The following HS3ST5 variants were observed in gnomAD, a reference collection of about 807,000 sequenced individuals.
HS3ST5 encodes heparan sulfate glucosamine 3-O-sulfotransferase 5.
HS3ST5 carries 10 observed loss-of-function variants against 25.4 expected under a neutral mutation model. The observed-to-expected ratio is 0.39, with a 90% CI of 0.24 to 0.67. The LOEUF is 0.67. Ranked by LOEUF, HS3ST5 falls within the 30% of genes least tolerant of loss-of-function variation. HS3ST5 has a pLI of 0.44. For synonymous variants in HS3ST5, 170 were observed against 162.4 expected, an observed-to-expected ratio of 1.05 and a Z score of -0.36; for missense variants, 324 against 420.7, an observed-to-expected ratio of 0.77 and a Z score of 2.01.
At chr6:114,218,943 T>C (rs183861957) in intron 2 of HS3ST5, among the ~76,000 whole-genome samples, 113 of 152,358 alleles carry the variant, frequency 7.4e-4, no homozygotes, top group African/African-American at 2.5e-3. Flanking sequence ...TTGTGTAATG[T>C]GACTTCTTGT....
chr6:114,140,294 A>C (rs1463018364), intron 3 of HS3ST5, among the ~76,000 whole-genome samples: 1 of 152,210 alleles, frequency 6.6e-6, no homozygotes, highest in African/African-American at 2.4e-5. Flanking sequence ...GGTTATCTTT[A>C]ATTTATGAAA....
At chr6:114,263,533 G>A (rs764871362) in intron 1 of HS3ST5, among the ~76,000 whole-genome samples, 7 of 151,972 alleles carry the variant, frequency 4.6e-5, no homozygotes, top group East Asian at 1.9e-4. Flanking sequence ...TGTTATTTTC[G>A]GCTACTTTTC....
At chr6:114,160,891 T>G (rs1463352997) in intron 3 of HS3ST5, among the ~76,000 whole-genome samples, 1 of 152,202 alleles carries the variant, frequency 6.6e-6, no homozygotes, top group African/African-American at 2.4e-5. Context: ...TGTAATAAAC[T>G]AATTCATCAT....
At chr6:114,297,822 A>G (rs1475063629) in intron 1 of HS3ST5, among the ~76,000 whole-genome samples, 5 of 152,248 alleles carry the variant, frequency 3.3e-5, no homozygotes, top group Non-Finnish European at 7.3e-5. Flanking sequence ...CCAAGCTGCC[A>G]AAATGACTAA....
chr6:114,223,982 C>G (rs1003540053), intron 2 of HS3ST5, among the ~76,000 whole-genome samples: 1 of 151,624 alleles, frequency 6.6e-6, no homozygotes, highest in African/African-American at 2.4e-5. Context: ...AAAGCTATTA[C>G]TTATTCAAGA....
chr6:114,198,223 G>T (rs1350054425), intron 2 of HS3ST5, among the ~76,000 whole-genome samples: 1 of 151,888 alleles, frequency 6.6e-6, no homozygotes, highest in Middle Eastern at 3.2e-3. Context: ...AATCAACCCA[G>T]TCAGACAAAA....
At chr6:114,203,347 C>G (rs879433331) in intron 2 of HS3ST5, among the ~76,000 whole-genome samples, 5 of 152,166 alleles carry the variant, frequency 3.3e-5, no homozygotes, top group Non-Finnish European at 5.9e-5. Context: ...CTGAAATTAA[C>G]TCCCTCCTTG....
intron 3 of HS3ST5, among the ~76,000 whole-genome samples, chr6:114,080,353 T>G (rs955779952): frequency 6.6e-6 from 1 of 152,200 alleles, no homozygotes; most frequent in Non-Finnish European, 1.5e-5. Flanking sequence ...ACACATATGT[T>G]TAAAACGCTT....
At chr6:114,306,887 G>C (rs914841514) in intron 1 of HS3ST5, among the ~76,000 whole-genome samples, 10 of 152,102 alleles carry the variant, frequency 6.6e-5, no homozygotes, top group African/African-American at 2.4e-4. Flanking sequence ...ATACATATAG[G>C]ACATACGATC....
chr6:114,276,673 A>G (rs775485329), intron 1 of HS3ST5, among the ~76,000 whole-genome samples: 1 of 151,802 alleles, frequency 6.6e-6, no homozygotes, highest in South Asian at 2.1e-4. Context: ...CAGATGAAAT[A>G]TATTAAATGA....
At chr6:114,072,470 A>C (rs1266131429) in intron 3 of HS3ST5, among the ~76,000 whole-genome samples, 2 of 152,278 alleles carry the variant, frequency 1.3e-5, no homozygotes, top group Non-Finnish European at 1.5e-5. Flanking sequence ...AGAGTAAAGC[A>C]AAGGTAATAA....
At chr6:114,318,983 G>C (rs1393382370) in intron 1 of HS3ST5, among the ~76,000 whole-genome samples, 1 of 151,808 alleles carries the variant, frequency 6.6e-6, no homozygotes, top group Non-Finnish European at 1.5e-5. Flanking sequence ...GCAGTTTTTT[G>C]TTTTGCTTTG....
At chr6:114,328,816 G>A (rs1399660044) in intron 1 of HS3ST5, among the ~76,000 whole-genome samples, 14 of 152,204 alleles carry the variant, frequency 9.2e-5, no homozygotes, top group Admixed American at 9.2e-4. Context: ...TTGATATTGA[G>A]AGGGTGGGAT....
intron 3 of HS3ST5, among the ~76,000 whole-genome samples, chr6:114,063,596 T>G (rs1773269049): frequency 6.6e-6 from 1 of 151,924 alleles, no homozygotes; most frequent in South Asian, 2.1e-4. Flanking sequence ...AATAACAAGG[T>G]GAATTTGAAA....
chr6:114,125,148 A>T (rs558646268), intron 3 of HS3ST5, among the ~76,000 whole-genome samples: 1 of 135,192 alleles, frequency 7.4e-6, no homozygotes, highest in Non-Finnish European at 1.7e-5. Context: ...GATTTTTTTT[A>T]AATACAAAAC....
At chr6:114,174,739 A>G (rs1779643212) in intron 2 of HS3ST5, among the ~76,000 whole-genome samples, 1 of 152,138 alleles carries the variant, frequency 6.6e-6, no homozygotes, top group African/African-American at 2.4e-5. Flanking sequence ...TCACTCCTGT[A>G]ATCCCAGCAC....
At chr6:114,137,956 C>A (rs1024541213) in intron 3 of HS3ST5, among the ~76,000 whole-genome samples, 1 of 152,022 alleles carries the variant, frequency 6.6e-6, no homozygotes, top group Non-Finnish European at 1.5e-5. Flanking sequence ...AAAAGAGCTA[C>A]CACTTATTAA....
intron 1 of HS3ST5, among the ~76,000 whole-genome samples, chr6:114,288,086 G>C (rs1774415631): frequency 6.6e-6 from 1 of 152,034 alleles, no homozygotes. Flanking sequence ...AATTACTATA[G>C]CTATCTCTAT....
At chr6:114,162,209 T>C (rs1779007792) in intron 3 of HS3ST5, among the ~76,000 whole-genome samples, 1 of 152,162 alleles carries the variant, frequency 6.6e-6, no homozygotes, top group Non-Finnish European at 1.5e-5. Context: ...AAAAGCAACA[T>C]CTTCCTTGGA....
Sources: allele counts gnomAD v4.1 joint callset (sites outside exome capture counted in the v4.1 genomes callset), GRCh38; gene constraint gnomAD v4.1.1; transcripts MANE v1.5; gene names NCBI Gene and HGNC (gene_info 2026-07-23, HGNC 2026-07-21).